Variants in VPS41 observed in about 807,000 individuals in gnomAD.
The protein encoded by VPS41 is vacuolar protein sorting-associated protein 41 homolog.
In VPS41, 85 loss-of-function variants were observed where a neutral mutation model predicts 130.9. The observed-to-expected ratio is 0.65, with a 90% CI of 0.55 to 0.78. The LOEUF (loss-of-function observed/expected upper bound fraction) is 0.78, where lower values mean the gene tolerates loss of function less well. Ranked by LOEUF, VPS41 falls within the 30% of genes least tolerant of loss-of-function variation. The pLI is 0.00. For missense variants in VPS41, 874 were observed against 1,018.7 expected (o/e 0.86, Z 1.93); for synonymous variants, 335 against 332.9 (o/e 1.01, Z -0.07).
chr7:38,757,000 T>G lies in VPS41; in HGVS notation c.1551-18A>C. On this transcript the variant is annotated intron_variant, in intron 18 of 28. Transcript: ENST00000310301. ...AGGTGTACCTGGTAATACAAATTTT[T>G]TACATTAATATTCATCAACAGTTCT... 3 of 1,561,758 alleles carry G rather than the reference T, an allele frequency of 1.9e-6. No individual in the cohort carries two copies. The highest frequency in any genetic ancestry group is 1.1e-5 in the South Asian group (1 of 88,780).
intron 7 of VPS41, among the ~76,000 whole-genome samples, chr7:38,816,223 A>G (rs986676842): frequency 2.6e-5 from 4 of 152,172 alleles, no homozygotes; most frequent in Non-Finnish European, 4.4e-5. Context: ...GGTGAATGCA[A>G]CTACAGCCTA....
At chr7:38,791,455 T>A (rs1005048993) in intron 9 of VPS41, among the ~76,000 whole-genome samples, 3 of 152,168 alleles carry the variant, frequency 2.0e-5, no homozygotes, top group Non-Finnish European at 4.4e-5. Flanking sequence ...GAAATAGATA[T>A]CATTATTTTC....
intron 7 of VPS41, among the ~76,000 whole-genome samples, chr7:38,801,130 T>C (rs544963496): frequency 1.3e-5 from 2 of 152,180 alleles, no homozygotes; most frequent in Admixed American, 6.5e-5. Flanking sequence ...AACAAGAAAC[T>C]AAAAACTTCC....
chr7:38,844,616 C>T (rs148101524), intron 4 of VPS41, among the ~76,000 whole-genome samples: 1 of 152,252 alleles, frequency 6.6e-6, no homozygotes, highest in East Asian at 1.9e-4. Context: ...TAATTTTGCC[C>T]ATCCATGTCA....
intron 10 of VPS41, among the ~76,000 whole-genome samples, chr7:38,777,256 T>G (rs1433162753): frequency 6.6e-6 from 1 of 152,150 alleles, no homozygotes; most frequent in Non-Finnish European, 1.5e-5. Flanking sequence ...GGGATATTAT[T>G]TAAAGAACTT....
In VPS41 at chr7:38,724,055, G is replaced by A. The variant is rs998450696; in HGVS notation, c.*2191C>T. The A allele has an allele frequency of 2.0e-5, 3 of 152,104 alleles. No individual in the cohort carries two copies. The highest frequency in any genetic ancestry group is 3.2e-3 in the Middle Eastern group (1 of 316). 9.4% of individuals were successfully genotyped at this position (152,104 alleles called of 1,614,324 possible). On this transcript the variant is annotated 3_prime_UTR_variant, in exon 29 of 29. Coordinates refer to ENST00000310301, the MANE Select transcript of VPS41 (RefSeq NM_014396.4). ...TTCAGGAATTTTCCAGTGTGTTACAGCAATTTCTGAAATGATAAACGAACA... is the reference window on the plus strand; with the variant it reads ...TTCAGGAATTTTCCAGTGTGTTACAACAATTTCTGAAATGATAAACGAACA...
intron 4 of VPS41, among the ~76,000 whole-genome samples, chr7:38,840,184 T>G (rs1211659204): frequency 6.6e-6 from 1 of 152,238 alleles, no homozygotes; most frequent in Non-Finnish European, 1.5e-5. Flanking sequence ...CCTTCCAACT[T>G]TCTTTTCCCT....
intron 4 of VPS41, among the ~76,000 whole-genome samples, chr7:38,860,666 A>G (rs189985692): frequency 1.3e-5 from 2 of 151,452 alleles, no homozygotes; most frequent in East Asian, 2.0e-4. Context: ...GTTAGAGGCT[A>G]TTAGGAATTA....
At chr7:38,891,639 T>C (rs1301546491) in intron 2 of VPS41, among the ~76,000 whole-genome samples, 1 of 152,254 alleles carries the variant, frequency 6.6e-6, no homozygotes, top group Non-Finnish European at 1.5e-5. Context: ...AAAACGCCTG[T>C]CGACTCCTGT....
chr7:38,874,459 A>T (rs890324286), intron 2 of VPS41, among the ~76,000 whole-genome samples: 1 of 152,160 alleles, frequency 6.6e-6, no homozygotes, highest in African/African-American at 2.4e-5. Flanking sequence ...TCAACTATTC[A>T]CATCTCACTC....
At position 38,730,564 on chromosome 7, in the gene VPS41, A is replaced by AT. The variant is rs540896163; in HGVS notation, c.2260-1774dup. Reference sequence around the variant, plus strand: ...TTCTTTAAAATTCTACCAGGAATCAATTTTTTTTGGATTTTTAAAAAAATA... The same window carrying AT: ...TTCTTTAAAATTCTACCAGGAATCAATTTTTTTTTGGATTTTTAAAAAAATA... On this transcript the variant is annotated intron_variant, in intron 25 of 28. Coordinates refer to ENST00000310301, the MANE Select transcript of VPS41 (RefSeq NM_014396.4). Among the ~76,000 whole-genome samples the AT allele has an allele frequency of 1.4e-4, 22 of 152,098 alleles. 1 individual carries two copies. Among genetic ancestry groups the AT allele is most frequent in the African/African-American group, 3.6e-4 (15 of 41,520 alleles).
At chr7:38,882,821 G>A (rs1186755895) in intron 2 of VPS41, among the ~76,000 whole-genome samples, 2 of 152,172 alleles carry the variant, frequency 1.3e-5, no homozygotes, top group African/African-American at 4.8e-5. Context: ...CTAGCCCAGA[G>A]TTTTAACAAA....
intron 6 of VPS41, 64 bp downstream of exon 6, chr7:38,821,139 C>T: frequency 8.2e-7 from 1 of 1,220,144 alleles, no homozygotes; most frequent in South Asian, 1.2e-5. Context: ...GTTCAAATTA[C>T]TGTAATCCAT....
At chr7:38,880,034 A>C (rs938935849) in intron 2 of VPS41, among the ~76,000 whole-genome samples, 1 of 152,254 alleles carries the variant, frequency 6.6e-6, no homozygotes, top group South Asian at 2.1e-4. Flanking sequence ...GTTACTTAAA[A>C]CCTTGGTTAC....
At chr7:38,805,153 A>C (rs535609850) in intron 7 of VPS41, among the ~76,000 whole-genome samples, 1 of 152,376 alleles carries the variant, frequency 6.6e-6, no homozygotes, top group Admixed American at 6.5e-5. Flanking sequence ...TATATCAAAA[A>C]GAGATGCAAA....
chr7:38,782,192 C>T (rs998646547), intron 10 of VPS41, among the ~76,000 whole-genome samples: 18 of 152,176 alleles, frequency 1.2e-4, no homozygotes, highest in Admixed American at 9.2e-4. Context: ...GGCCTGGCTG[C>T]TCCACAGTGT....
At position 38,839,417 on chromosome 7, in the gene VPS41, G is replaced by C. The variant is rs575487024; in HGVS notation, c.247-9089C>G. 3.9e-5 allele frequency among the ~76,000 whole-genome samples: 6 copies of C among 152,228 alleles called. No homozygotes were observed. The East Asian group carries it at 1.2e-3, about 29-fold the overall frequency. ...TTCTCACTGACTTATTTTAAAACCA[G>C]AACAGTATATTCTTTTTTTCTTTGA... On this transcript the variant is annotated intron_variant, in intron 4 of 28. Transcript: ENST00000310301.
chr7:38,746,597 C>T (rs1421263294), intron 22 of VPS41, among the ~76,000 whole-genome samples: 2 of 152,002 alleles, frequency 1.3e-5, no homozygotes, highest in Non-Finnish European at 2.9e-5. Context: ...ACTGTGTGGT[C>T]CTCTTGTGAG....
At chr7:38,853,096 T>A (rs1785893482) in intron 4 of VPS41, among the ~76,000 whole-genome samples, 2 of 152,172 alleles carry the variant, frequency 1.3e-5, no homozygotes, top group African/African-American at 4.8e-5. Context: ...ATGGTAAATG[T>A]TCCTCACCCT....
Sources: allele counts gnomAD v4.1 joint callset (sites outside exome capture counted in the v4.1 genomes callset), GRCh38; gene constraint gnomAD v4.1.1; transcripts MANE v1.5; gene names NCBI Gene and HGNC (gene_info 2026-07-23, HGNC 2026-07-21).